FRMD4A: variants seen among roughly 807,000 people sequenced by gnomAD.
The protein encoded by FRMD4A is FERM domain containing 4A.
FRMD4A carries 29 observed loss-of-function variants against 129.1 expected under a neutral mutation model. The ratio of observed to expected loss-of-function variants is 0.22; its 90% CI spans 0.17 to 0.31. The LOEUF is 0.31. Among genes scored for constraint, FRMD4A ranks in the 10% least tolerant of loss-of-function variants. The probability of loss-of-function intolerance (pLI) is 1.00; values close to 1 mark genes in which losing one functional copy is unlikely to be tolerated. For synonymous variants in FRMD4A, 634 were observed against 571.6 expected (o/e 1.11, Z -1.56); for missense variants, 1,272 against 1,375.8 (o/e 0.92, Z 1.19).
chr10:14,133,088 C>T (rs376454793), intron 2 of FRMD4A, among the ~76,000 whole-genome samples: 6 of 152,198 alleles, frequency 3.9e-5, no homozygotes, highest in African/African-American at 1.4e-4. Context: ...ATATTTGATT[C>T]AAGATTTCAT....
At chr10:13,692,112 G>A (rs1421151221) in intron 15 of FRMD4A, 1 of 150,940 alleles carries the variant, frequency 6.6e-6, no homozygotes, top group East Asian at 1.9e-4. Context: ...TAGGTTTATG[G>A]GGCTTGAAGC....
chr10:14,162,652 T>G (rs1179174566), intron 2 of FRMD4A, among the ~76,000 whole-genome samples: 14 of 151,158 alleles, frequency 9.3e-5, no homozygotes, highest in East Asian at 3.9e-4. Context: ...TTTTTTTTTT[T>G]TTTTTTTGTA....
chr10:13,680,914 A>G (rs922943745), intron 15 of FRMD4A, among the ~76,000 whole-genome samples: 25 of 152,024 alleles, frequency 1.6e-4, no homozygotes, highest in African/African-American at 5.8e-4. Context: ...ATCTGCTATC[A>G]TGGAGAGAGG....
chr10:13,933,135 T>A (rs1378508470), intron 2 of FRMD4A, among the ~76,000 whole-genome samples: 1 of 151,472 alleles, frequency 6.6e-6, no homozygotes, highest in African/African-American at 2.4e-5. Flanking sequence ...CACTACAGCC[T>A]GGACAAGAGC....
chr10:13,715,460 C>T lies in FRMD4A; in HGVS notation c.760-8347G>A, dbSNP rs533706845. 4.9e-4 allele frequency among the ~76,000 whole-genome samples: 74 copies of T among 152,306 alleles called. 1 individual carries two copies. The Middle Eastern group carries it at 0.01, about 21-fold the overall frequency. On this transcript the variant is annotated intron_variant, in intron 12 of 24. Transcript: ENST00000357447. Reference sequence around the variant, plus strand: ...CAACGTCATACTGTCTGCCACTTACCGGCTGTGTATTCTCAGCAATTGAAT... The same window carrying T: ...CAACGTCATACTGTCTGCCACTTACTGGCTGTGTATTCTCAGCAATTGAAT...
rs558236773 is a variant in FRMD4A at position 14,214,773 on chromosome 10, G to A, written c.45+115285C>T. 1.6e-4 allele frequency among the ~76,000 whole-genome samples: 24 copies of A among 152,302 alleles called. No homozygotes were observed. In the South Asian group the frequency reaches 4.8e-3, roughly 30 times the overall value. ...GCATCTCATGGGTAGAACAAAAATT[G>A]TAGCATTCTGTGAAATATAGAAAGG... On this transcript the variant is annotated intron_variant, in intron 2 of 24. Coordinates refer to ENST00000357447, the MANE Select transcript of FRMD4A (RefSeq NM_018027.5).
chr10:14,174,879 C>CTGTGTGTGTGTGTGTG (rs56966643), intron 2 of FRMD4A, among the ~76,000 whole-genome samples: 1 of 87,558 alleles, frequency 1.1e-5, no homozygotes, highest in African/African-American at 3.1e-5. Context: ...GTGTGTGTGT[C>CTGTGTGTGTGTGTGTG]TGTGTGTGTG....
chr10:13,705,016 G>A (rs1254040427), intron 13 of FRMD4A, among the ~76,000 whole-genome samples: 1 of 152,178 alleles, frequency 6.6e-6, no homozygotes, highest in African/African-American at 2.4e-5. Flanking sequence ...GGAGGCTGCA[G>A]TGAGCTATGA....
At position 14,035,499 on chromosome 10, in the gene FRMD4A, G is replaced by T. The variant is rs1467000930; in HGVS notation, c.46-176587C>A. On this transcript the variant is annotated intron_variant, in intron 2 of 24. Coordinates refer to ENST00000357447, the MANE Select transcript of FRMD4A (RefSeq NM_018027.5). ...CTGCTGTCTCCATGATTTTATTAAAGAAAAGACATTTTAACACACACTGAA... is the reference window on the plus strand; with the variant it reads ...CTGCTGTCTCCATGATTTTATTAAATAAAAGACATTTTAACACACACTGAA... Among the ~76,000 whole-genome samples, 4 of 150,888 alleles carry T rather than the reference G, an allele frequency of 2.7e-5. No homozygotes were observed. In the East Asian group the frequency reaches 7.7e-4, roughly 29 times the overall value.
At chr10:14,159,473 C>T (rs1225798575) in intron 2 of FRMD4A, among the ~76,000 whole-genome samples, 1 of 152,072 alleles carries the variant, frequency 6.6e-6, no homozygotes, top group East Asian at 1.9e-4. Flanking sequence ...CTGAAGAAGA[C>T]AGAAGATACA....
In FRMD4A at chr10:14,264,186, G is replaced by A. The variant is rs559302028; in HGVS notation, c.45+65872C>T. ...ATCATTATGCCCAGTTCAGAGATGG[G>A]GCAACTGGGCAGACATGAAGCAACC... On this transcript the variant is annotated intron_variant, in intron 2 of 24. Transcript: ENST00000357447. Among the ~76,000 whole-genome samples, 8 of 152,118 alleles carry A rather than the reference G, an allele frequency of 5.3e-5. No individual in the cohort carries two copies. In the South Asian group the frequency reaches 1.7e-3, roughly 32 times the overall value.
At chr10:14,114,822 C>T (rs1838113278) in intron 2 of FRMD4A, among the ~76,000 whole-genome samples, 1 of 152,202 alleles carries the variant, frequency 6.6e-6, no homozygotes, top group African/African-American at 2.4e-5. Flanking sequence ...GTAGGCATCT[C>T]AGCCTGCAAA....
chr10:13,831,382 A>G (rs1369127964), intron 3 of FRMD4A, among the ~76,000 whole-genome samples: 1 of 152,174 alleles, frequency 6.6e-6, no homozygotes, highest in East Asian at 1.9e-4. Flanking sequence ...TAGGAGTTTG[A>G]GGCCTGCAGT....
At chr10:14,238,719 T>C (rs12241852) in intron 2 of FRMD4A, among the ~76,000 whole-genome samples, 399 of 152,212 alleles carry the variant, frequency 2.6e-3, no homozygotes, top group African/African-American at 9.3e-3. Context: ...GTGTGTGATG[T>C]TCCCCTCCCT....
At chr10:13,740,340 T>C (rs2090915112) in intron 10 of FRMD4A, 89 bp from the exon 11 acceptor site, 4 of 983,720 alleles carry the variant, frequency 4.1e-6, no homozygotes, top group Admixed American at 1.8e-5. Context: ...TATATATTTG[T>C]GTATGTGTAC....
chr10:13,810,275 A>G lies in FRMD4A; in HGVS notation c.206+539T>C, dbSNP rs145282225. On this transcript the variant is annotated intron_variant, in intron 4 of 24. Coordinates refer to ENST00000357447, the MANE Select transcript of FRMD4A (RefSeq NM_018027.5). The stretch of plus-strand genomic sequence containing the variant: ...TAAAGATTTTCCTTACTTGTATTAC[A>G]CAACACCACTTTATAGAGCCAAACT... Among the ~76,000 whole-genome samples, 7 of 152,376 alleles carry G rather than the reference A, an allele frequency of 4.6e-5. No individual in the cohort carries two copies. In the East Asian group the frequency reaches 1.3e-3, roughly 29 times the overall value.
intron 2 of FRMD4A, among the ~76,000 whole-genome samples, chr10:14,077,262 T>C (rs1835669370): frequency 6.6e-6 from 1 of 152,214 alleles, no homozygotes; most frequent in African/African-American, 2.4e-5. Context: ...CTCAAACTTC[T>C]GGTTCTATAA....
chr10:13,844,983 G>T (rs558194836), intron 3 of FRMD4A, among the ~76,000 whole-genome samples: 1 of 152,192 alleles, frequency 6.6e-6, no homozygotes, highest in Non-Finnish European at 1.5e-5. Context: ...GGGATACAGT[G>T]TGCCTTCAGT....
At chr10:13,656,582 G>T in intron 22 of FRMD4A, 54 bp downstream of exon 22, 6 of 1,337,524 alleles carry the variant, frequency 4.5e-6, no homozygotes, top group Non-Finnish European at 5.8e-6. Context: ...CCTTGACACC[G>T]GCAAGCAGTT....
Sources: allele counts gnomAD v4.1 joint callset (sites outside exome capture counted in the v4.1 genomes callset), GRCh38; gene constraint gnomAD v4.1.1; transcripts MANE v1.5; gene names NCBI Gene and HGNC (gene_info 2026-07-23, HGNC 2026-07-21).